Variants in FOXO1 observed in about 807,000 individuals in gnomAD.
FOXO1 encodes forkhead box protein O1.
In FOXO1, 6 loss-of-function variants were observed where a neutral mutation model predicts 44.1. The observed-to-expected ratio is 0.14, with a 90% CI of 0.07 to 0.27. FOXO1 has a LOEUF of 0.27. Ranked by LOEUF, FOXO1 falls within the 10% of genes least tolerant of loss-of-function variation. The pLI is 1.00. For missense variants in FOXO1, 737 were observed against 888.8 expected (o/e 0.83, Z 2.17); for synonymous variants, 380 against 362.7 (o/e 1.05, Z -0.54).
At chr13:40,609,762 A>G (rs1302344347) in intron 1 of FOXO1, among the ~76,000 whole-genome samples, 4 of 152,210 alleles carry the variant, frequency 2.6e-5, no homozygotes, top group Non-Finnish European at 4.4e-5. Flanking sequence ...GCCCATGGAC[A>G]GAACTCAAGG....
intron 1 of FOXO1, among the ~76,000 whole-genome samples, chr13:40,621,915 T>C (rs1420197966): frequency 6.6e-6 from 1 of 152,218 alleles, no homozygotes; most frequent in Non-Finnish European, 1.5e-5. Context: ...GTTTGGTTCT[T>C]ATTTAAGCTT....
intron 1 of FOXO1, among the ~76,000 whole-genome samples, chr13:40,636,196 C>T (rs1226201572): frequency 6.6e-6 from 1 of 151,668 alleles, no homozygotes; most frequent in East Asian, 1.9e-4. Context: ...ACCTGGGCCA[C>T]AGAGCGAGAT....
At chr13:40,624,856 T>C (rs1007255635) in intron 1 of FOXO1, among the ~76,000 whole-genome samples, 1 of 152,204 alleles carries the variant, frequency 6.6e-6, no homozygotes, top group Admixed American at 6.5e-5. Context: ...TTTATGTATA[T>C]AACACAGAAT....
At chr13:40,637,261 G>A (rs753657128) in intron 1 of FOXO1, among the ~76,000 whole-genome samples, 60 of 151,970 alleles carry the variant, frequency 3.9e-4, no homozygotes, top group Middle Eastern at 3.4e-3. Context: ...TGGCTAACAC[G>A]GTGAAACCCC....
At chr13:40,656,442 T>C (rs1877863159) in intron 1 of FOXO1, among the ~76,000 whole-genome samples, 1 of 152,238 alleles carries the variant, frequency 6.6e-6, no homozygotes, top group African/African-American at 2.4e-5. Flanking sequence ...ATCACTCTGC[T>C]ACCAGGACAC....
intron 1 of FOXO1, among the ~76,000 whole-genome samples, chr13:40,634,989 A>C (rs1877098984): frequency 6.6e-6 from 1 of 152,068 alleles, no homozygotes; most frequent in South Asian, 2.1e-4. Flanking sequence ...AATTTTTAAA[A>C]ACAAAACAAA....
chr13:40,604,639 G>A (rs541120343), intron 1 of FOXO1, among the ~76,000 whole-genome samples: 7 of 152,094 alleles, frequency 4.6e-5, no homozygotes, highest in South Asian at 4.2e-4. Context: ...AGCCTTTCTC[G>A]GCTGGAAGCT....
intron 1 of FOXO1, among the ~76,000 whole-genome samples, chr13:40,633,589 G>C (rs1325939924): frequency 3.3e-5 from 5 of 152,136 alleles, no homozygotes; most frequent in Non-Finnish European, 7.4e-5. Flanking sequence ...TAAACACAGA[G>C]AGTAAATGCA....
chr13:40,598,104 T>G (rs1233863290), intron 1 of FOXO1, among the ~76,000 whole-genome samples: 1 of 151,992 alleles, frequency 6.6e-6, no homozygotes, highest in African/African-American at 2.4e-5. Context: ...CTCTACCAAG[T>G]CAAGACTGTG....
At chr13:40,620,098 G>T in intron 1 of FOXO1, 2 of 1,095,142 alleles carry the variant, frequency 1.8e-6, no homozygotes, top group Non-Finnish European at 1.4e-6. Context: ...TTTAGAGCAA[G>T]ATAGAGAACA....
Position 40,556,551 on chromosome 13 carries a change from A to C in FOXO1, c.*2498T>G, listed in dbSNP as rs1873757991. 6.5e-6 allele frequency: 1 copy of C among 152,680 alleles called. No individual in the cohort carries two copies. Among genetic ancestry groups the C allele is most frequent in the Non-Finnish European group, 1.5e-5 (1 of 68,052 alleles). 9.5% of individuals were successfully genotyped at this position (152,680 alleles called of 1,614,324 possible). A position where few individuals can be genotyped will look rare whatever the true frequency, so the allele number is the denominator to read the frequency against. On this transcript the variant is annotated 3_prime_UTR_variant, in exon 3 of 3. Coordinates refer to ENST00000379561, the MANE Select transcript of FOXO1 (RefSeq NM_002015.4). ...AACTGATATATACTCATTACTCCAG[A>C]AAGTCAGTATTCTTACAGGAAAAAA...
intron 1 of FOXO1, among the ~76,000 whole-genome samples, chr13:40,631,980 G>GA (rs1419618220): frequency 6.6e-6 from 1 of 152,248 alleles, no homozygotes; most frequent in Middle Eastern, 3.4e-3. Flanking sequence ...CAAAAAAAAT[G>GA]AAAAAACCCA....
chr13:40,664,553 C>T (rs1878153848), intron 1 of FOXO1, among the ~76,000 whole-genome samples: 1 of 152,170 alleles, frequency 6.6e-6, no homozygotes, highest in African/African-American at 2.4e-5. Context: ...CCGACTCCCT[C>T]AAAACATTGG....
chr13:40,650,014 T>C (rs568528271), intron 1 of FOXO1, among the ~76,000 whole-genome samples: 7 of 152,332 alleles, frequency 4.6e-5, no homozygotes, highest in African/African-American at 1.4e-4. Flanking sequence ...GCAAGTTTAT[T>C]AGGAAAGTAA....
At chr13:40,628,356 TACACACAC>T (rs34314244) in intron 1 of FOXO1, among the ~76,000 whole-genome samples, 15 of 145,206 alleles carry the variant, frequency 1.0e-4, no homozygotes, top group South Asian at 4.4e-4. Context: ...AAGAGCTGTT[TACACACAC>T]ACACACACAC....
intron 1 of FOXO1, among the ~76,000 whole-genome samples, chr13:40,645,102 GT>G (rs1335514209): frequency 1.3e-5 from 2 of 152,228 alleles, no homozygotes; most frequent in East Asian, 3.9e-4. Context: ...TCACACCTTG[GT>G]ATTTCTGCAT....
At chr13:40,619,689 T>C (rs1478702022) in intron 1 of FOXO1, 3 of 1,335,310 alleles carry the variant, frequency 2.2e-6, no homozygotes, top group South Asian at 1.2e-5. Context: ...TTCTAAGGAC[T>C]AGGCTTGCTT....
intron 1 of FOXO1, among the ~76,000 whole-genome samples, chr13:40,613,307 A>G (rs530644750): frequency 6.6e-6 from 1 of 152,248 alleles, no homozygotes; most frequent in Non-Finnish European, 1.5e-5. Context: ...TCTCTTCCTG[A>G]GGCACATAAG....
At chr13:40,651,016 G>A (rs1012550669) in intron 1 of FOXO1, among the ~76,000 whole-genome samples, 1 of 151,958 alleles carries the variant, frequency 6.6e-6, no homozygotes, top group South Asian at 2.1e-4. Context: ...CAAGTGATCC[G>A]CCAACCTCAG....
Sources: allele counts gnomAD v4.1 joint callset (sites outside exome capture counted in the v4.1 genomes callset), GRCh38; gene constraint gnomAD v4.1.1; transcripts MANE v1.5; gene names NCBI Gene and HGNC (gene_info 2026-07-23, HGNC 2026-07-21).